The following LAPTM4A variants were observed in gnomAD, a reference collection of about 807,000 sequenced individuals.
LAPTM4A encodes the protein lysosomal-associated transmembrane protein 4A.
In LAPTM4A, 19 loss-of-function variants were observed where a neutral mutation model predicts 29.9. That is an observed-to-expected ratio of 0.64 (90% confidence interval 0.44 to 0.93). The LOEUF is 0.93. LAPTM4A is among the 40% of genes least tolerant of loss of function. LAPTM4A has a pLI of 0.00. For synonymous variants in LAPTM4A, 105 were observed against 102.1 expected, an observed-to-expected ratio of 1.03 and a Z score of -0.17; for missense variants, 293 against 288.5, an observed-to-expected ratio of 1.02 and a Z score of -0.11.
intron 2 of LAPTM4A, 121 bp downstream of exon 2, chr2:20,040,770 T>C (rs902926258): frequency 2.1e-6 from 2 of 944,774 alleles, no homozygotes; most frequent in African/African-American, 3.2e-5. Flanking sequence ...CACCCTATGA[T>C]GTTCACACAA....
Position 20,032,926 on chromosome 2 carries a change from C to G in LAPTM4A, c.*279G>C, listed in dbSNP as rs113738831. The G allele has an allele frequency of 2.4e-6, 1 of 425,298 alleles. No individual in the cohort carries two copies. 26.3% of individuals were successfully genotyped at this position (425,298 alleles called of 1,614,324 possible). A position where few individuals can be genotyped will look rare whatever the true frequency, so the allele number is the denominator to read the frequency against. On this transcript the variant is annotated 3_prime_UTR_variant, in exon 7 of 7. Coordinates refer to ENST00000175091, the MANE Select transcript of LAPTM4A (RefSeq NM_014713.5). ...AAGGAAACTATGTGGCAAGTACCCT[C>G]TTTCCCTTCCCACCCCCCAATTAAA...
At chr2:20,047,583 G>C (rs996670545) in intron 1 of LAPTM4A, among the ~76,000 whole-genome samples, 1 of 150,058 alleles carries the variant, frequency 6.7e-6, no homozygotes, top group Non-Finnish European at 1.5e-5. Flanking sequence ...CCAGCTACTC[G>C]GGAGGCTGAG....
chr2:20,047,165 A>G lies in LAPTM4A; in HGVS notation c.111+4245T>C, dbSNP rs1435639918. Among the ~76,000 whole-genome samples the G allele has an allele frequency of 7.5e-4, 107 of 143,128 alleles. No homozygotes were observed. The Middle Eastern group carries it at 0.014, about 19-fold the overall frequency. 93.9% of individuals were successfully genotyped at this position (143,128 alleles called of 152,430 possible). A position where few individuals can be genotyped will look rare whatever the true frequency, so the allele number is the denominator to read the frequency against. ...AGCACTTTGGGAGGCCAAGGCAGGC[A>G]GATCATGAGGTCAGGAGATCGAGAC... On this transcript the variant is annotated intron_variant, in intron 1 of 6. Transcript: ENST00000175091.
intron 1 of LAPTM4A, among the ~76,000 whole-genome samples, chr2:20,050,034 A>C (rs1057163934): frequency 6.6e-6 from 1 of 152,356 alleles, no homozygotes; most frequent in Admixed American, 6.5e-5. Context: ...ATACAGAACG[A>C]AAGAGTCTCT....
intron 1 of LAPTM4A, among the ~76,000 whole-genome samples, chr2:20,050,556 A>G (rs1572402073): frequency 6.6e-6 from 1 of 152,232 alleles, no homozygotes; most frequent in Admixed American, 6.5e-5. Flanking sequence ...GTCATAGACA[A>G]GTTAGGTTTA....
chr2:20,042,067 T>C (rs1394681044), intron 1 of LAPTM4A, among the ~76,000 whole-genome samples: 1 of 152,204 alleles, frequency 6.6e-6, no homozygotes, highest in Non-Finnish European at 1.5e-5. Context: ...CAGAACATAA[T>C]GGGATCTCAG....
chr2:20,037,169 G>T, intron 4 of LAPTM4A, 147 bp downstream of exon 4: 1 of 619,710 alleles, frequency 1.6e-6, no homozygotes. Context: ...TGTCACAGTA[G>T]CTAAGAGAGC....
At position 20,034,431 on chromosome 2, in the gene LAPTM4A, C is replaced by G; in HGVS notation, c.529-16G>C. On this transcript the variant is annotated splice_polypyrimidine_tract_variant and intron_variant, in intron 5 of 6. Transcript: ENST00000175091. ...TTAGATAAGCCTGGAAGAATAAAAACAAAGTTGACATCTGCTAGAAACTCA... is the reference window on the plus strand; with the variant it reads ...TTAGATAAGCCTGGAAGAATAAAAAGAAAGTTGACATCTGCTAGAAACTCA... The G allele has an allele frequency of 6.5e-7, 1 of 1,539,554 alleles. No individual in the cohort carries two copies. The highest frequency in any genetic ancestry group is 9.0e-7 in the Non-Finnish European group (1 of 1,112,072).
intron 4 of LAPTM4A, among the ~76,000 whole-genome samples, chr2:20,036,570 G>T (rs368677950): frequency 1.3e-5 from 2 of 152,302 alleles, no homozygotes; most frequent in South Asian, 4.1e-4. Flanking sequence ...AATGAATGAT[G>T]AATTTGGTGG....
chr2:20,033,298 T>A lies in LAPTM4A; in HGVS notation c.628-19A>T, dbSNP rs760149948. On this transcript the variant is annotated intron_variant, in intron 6 of 6. Coordinates refer to ENST00000175091, the MANE Select transcript of LAPTM4A (RefSeq NM_014713.5). ...AAACGTACTAAAGAGAGAAAAAAAATTGTATCAGATTTAATTCTCCTTTAA... is the reference window on the plus strand; with the variant it reads ...AAACGTACTAAAGAGAGAAAAAAAAATGTATCAGATTTAATTCTCCTTTAA... The A allele has an allele frequency of 1.2e-5, 19 of 1,578,578 alleles. No individual in the cohort carries two copies. In the Admixed American group the frequency reaches 1.3e-4, roughly 11 times the overall value.
chr2:20,038,614 C>T (rs1572397313), intron 2 of LAPTM4A, among the ~76,000 whole-genome samples: 1 of 151,978 alleles, frequency 6.6e-6, no homozygotes, highest in Admixed American at 6.5e-5. Context: ...CTAGTAGAGA[C>T]GAGGTTTCAC....
intron 1 of LAPTM4A, among the ~76,000 whole-genome samples, chr2:20,041,450 A>T (rs1481647107): frequency 6.6e-6 from 1 of 152,144 alleles, no homozygotes; most frequent in Non-Finnish European, 1.5e-5. Context: ...TTTCCTCTAG[A>T]GCTAGACTCA....
intron 1 of LAPTM4A, among the ~76,000 whole-genome samples, chr2:20,047,393 G>GA (rs1470350919): frequency 0.014 from 1,309 of 94,126 alleles, 13 homozygotes; most frequent in African/African-American, 0.041. Context: ...TCTCAAAAAA[G>GA]AAAAAAAAAA....
At chr2:20,034,945 A>G (rs367951142) in intron 5 of LAPTM4A, 22 bp downstream of exon 5, 1 of 1,553,166 alleles carries the variant, frequency 6.4e-7, no homozygotes, top group African/African-American at 1.4e-5. Flanking sequence ...AGTCACCCCT[A>G]AAGATTTAGT....
intron 1 of LAPTM4A, among the ~76,000 whole-genome samples, chr2:20,044,073 CATG>C (rs1217571009): frequency 2.0e-5 from 3 of 152,218 alleles, no homozygotes; most frequent in Non-Finnish European, 2.9e-5. Context: ...AGAGGCAAGG[CATG>C]ATATCTTTCA....
chr2:20,040,495 A>AGT (rs1673770219), intron 2 of LAPTM4A, among the ~76,000 whole-genome samples: 1 of 152,228 alleles, frequency 6.6e-6, no homozygotes, highest in Non-Finnish European at 1.5e-5. Flanking sequence ...CTAAATAACC[A>AGT]GTGTGTGTGG....
At chr2:20,040,671 A>G (rs940887087) in intron 2 of LAPTM4A, among the ~76,000 whole-genome samples, 3 of 152,358 alleles carry the variant, frequency 2.0e-5, no homozygotes, top group African/African-American at 7.2e-5. Context: ...TATTCGGTAC[A>G]GTAACCTGCT....
chr2:20,036,693 A>AT (rs752117766), intron 4 of LAPTM4A, among the ~76,000 whole-genome samples: 20 of 151,940 alleles, frequency 1.3e-4, no homozygotes, highest in Admixed American at 2.6e-4. Context: ...CCTAGATCCC[A>AT]TATCTCCTTC....
chr2:20,050,873 G>A (rs1386291469), intron 1 of LAPTM4A, among the ~76,000 whole-genome samples: 2 of 152,230 alleles, frequency 1.3e-5, no homozygotes, highest in Non-Finnish European at 2.9e-5. Flanking sequence ...ATGCAAGAGA[G>A]GCATGAAACA....
Sources: allele counts gnomAD v4.1 joint callset (sites outside exome capture counted in the v4.1 genomes callset), GRCh38; gene constraint gnomAD v4.1.1; transcripts MANE v1.5; gene names NCBI Gene and HGNC (gene_info 2026-07-23, HGNC 2026-07-21).